Variants in KIF19 observed in about 807,000 individuals in gnomAD.
KIF19 encodes kinesin-like protein KIF19.
KIF19 carries 98 observed loss-of-function variants against 106.6 expected under a neutral mutation model. The observed-to-expected ratio is 0.92, with a 90% confidence interval of 0.78 to 1.09. KIF19 has a LOEUF of 1.09. Among genes scored for constraint, KIF19 ranks in the 50% least tolerant of loss-of-function variants. The pLI is 0.00. For synonymous variants in KIF19, 516 were observed against 584.2 expected (o/e 0.88, Z 1.68); for missense variants, 1,373 against 1,414.3 (o/e 0.97, Z 0.47).
intron 17 of KIF19, 80 bp downstream of exon 17, chr17:74,353,661 C>T: frequency 8.6e-7 from 1 of 1,167,180 alleles, no homozygotes; most frequent in African/African-American, 1.5e-5. Context: ...AAGCCCTTTC[C>T]TGCCCTCTGC....
In KIF19 at chr17:74,354,939, CG is replaced by C; in HGVS notation, c.2866+1del. On this transcript the variant is annotated frameshift_variant and splice_region_variant, in exon 19 of 20. Transcript: ENST00000389916. LOFTEE classifies it low-confidence loss of function (END_TRUNC). Reference protein sequence around the residue: ...AKVKLPPSQNTGPGDSSPLAV... With the variant: ...AKVKLPPSQNXGPGDSSPLAV... ...GTCAAACTCCCTCCAAGCCAGAACACGGGTCAGTATGGGCAAGGAGGGGATG... is the reference window on the plus strand; with the variant it reads ...GTCAAACTCCCTCCAAGCCAGAACACGGTCAGTATGGGCAAGGAGGGGATG... 1 of 1,582,096 alleles carries C rather than the reference CG, an allele frequency of 6.3e-7. No homozygotes were observed.
At position 74,347,797 on chromosome 17, in the gene KIF19, C is replaced by T; in HGVS notation, c.945C>T (p.Ser315=). The T allele has an allele frequency of 6.3e-7, 1 of 1,588,600 alleles. No individual in the cohort carries two copies. Among genetic ancestry groups the T allele is most frequent in the Non-Finnish European group, 8.6e-7 (1 of 1,168,070 alleles). ...RLLKDSLGGN[S]RTVMIAHISP... ...TCCAGGACTCTCTGGGAGGAAACAG[C>T]CGCACAGTGATGATCGCTCACATCA... Residue 315 remains serine (S), a synonymous_variant, in exon 9 of 20, where the codon AGC becomes AGT. Coordinates refer to ENST00000389916, the MANE Select transcript of KIF19 (RefSeq NM_153209.4).
intron 2 of KIF19, among the ~76,000 whole-genome samples, chr17:74,340,555 G>GCGCACACACACA: frequency 0.1 from 14,859 of 148,126 alleles, 791 homozygotes; most frequent in South Asian, 0.14. Flanking sequence ...ATGCGCGCGC[G>GCGCACACACACA]TACACACACA....
chr17:74,335,048 C>T (rs1487030181), intron 2 of KIF19, among the ~76,000 whole-genome samples: 1 of 152,224 alleles, frequency 6.6e-6, no homozygotes, highest in African/African-American at 2.4e-5. Flanking sequence ...TCAAACTGAG[C>T]CTCACTTGTG....
intron 2 of KIF19, among the ~76,000 whole-genome samples, chr17:74,336,281 C>CTGT (rs1385105909): frequency 3.3e-5 from 5 of 152,164 alleles, no homozygotes; most frequent in Non-Finnish European, 7.4e-5. Flanking sequence ...GTTGGCTAGG[C>CTGT]TGTTCTTGAA....
rs1364594797 is a variant in KIF19 at position 74,326,384 on chromosome 17, T to A, written c.35T>A (p.Leu12His). ...KDSGDSKDQQLMVALRVRPIS... is the reference protein window; with the variant it reads ...KDSGDSKDQQHMVALRVRPIS... The stretch of plus-strand genomic sequence containing the variant: ...AGCGGGGACTCCAAGGACCAGCAAC[T>A]CATGGTGAGACCCTTTTAGACCCTC... The change falls in exon 1 of 20, where the codon CTC becomes CAC. Residue 12 changes from leucine (L) to histidine (H), a missense_variant. Physicochemically the swap from Leu to His is moderately conservative, Grantham distance 99. Transcript: ENST00000389916. 1 of 1,612,706 alleles carries A rather than the reference T, an allele frequency of 6.2e-7. No individual in the cohort carries two copies. Among genetic ancestry groups the A allele is most frequent in the Non-Finnish European group, 8.5e-7 (1 of 1,179,476 alleles).
chr17:74,326,271 G>A lies in KIF19; in HGVS notation c.-79G>A. On this transcript the variant is annotated 5_prime_UTR_variant, in exon 1 of 20. Transcript: ENST00000389916. ...AGGCGGCGGGCAGCTAGCAGCTGGC[G>A]GACGCGACCCGGAGGCGGTGGGGGT... 1.4e-6 allele frequency: 2 copies of A among 1,382,108 alleles called. No homozygotes were observed. Among genetic ancestry groups the A allele is most frequent in the South Asian group, 1.3e-5 (1 of 76,840 alleles). The allele number at this position is 1,382,108 out of a possible 1,614,324, so 85.6% of individuals were successfully genotyped here.
chr17:74,353,280 C>T lies in KIF19; in HGVS notation c.2199C>T (p.Leu733=), dbSNP rs768096594. 17 of 1,575,400 alleles carry T rather than the reference C, an allele frequency of 1.1e-5. No homozygotes were observed. Among genetic ancestry groups the T allele is most frequent in the East Asian group, 2.4e-5 (1 of 42,522 alleles). The part of the protein sequence containing the change: ...SSVPTPPPIQ[L]GSLVTQEAPA... ...TGCCCACCCCACCTCCCATCCAGCTCGGCAGCCTGGTGACGCAGGAGGTGA... is the reference window on the plus strand; with the variant it reads ...TGCCCACCCCACCTCCCATCCAGCTTGGCAGCCTGGTGACGCAGGAGGTGA... The change falls in exon 16 of 20, where the codon CTC becomes CTT. Residue 733 remains leucine (L), a synonymous_variant. Transcript: ENST00000389916.
At position 74,344,419 on chromosome 17, in the gene KIF19, A is replaced by C. The variant is rs1355962541; in HGVS notation, c.582+71A>C. On this transcript the variant is annotated intron_variant, in intron 6 of 19. Coordinates refer to ENST00000389916, the MANE Select transcript of KIF19 (RefSeq NM_153209.4). ...CGCCTGAGGGGCAGGAGGGGCGGGG[A>C]CAGAAGCCAGGGAGCTGCTCCCCAC... is the stretch of plus-strand genomic sequence containing the variant. 9 of 1,559,776 alleles carry C rather than the reference A, an allele frequency of 5.8e-6. No homozygotes were observed. The East Asian group carries it at 2.1e-4, about 37-fold the overall frequency.
rs9890006 is a variant in KIF19 at position 74,338,562 on chromosome 17, G to A, written c.121-3314G>A. Among the ~76,000 whole-genome samples, 919 of 152,074 alleles carry A rather than the reference G, an allele frequency of 6.0e-3. 11 individuals are homozygous for A. The highest frequency in any genetic ancestry group is 0.022 in the African/African-American group (894 of 41,534). On this transcript the variant is annotated intron_variant, in intron 2 of 19. Transcript: ENST00000389916. ...TGCCAGGGTCAGGCCTCCTCTTCCC[G>A]CTTCCCTCCTCCACTGAGAATCCCA... is the stretch of plus-strand genomic sequence containing the variant.
At position 74,342,516 on chromosome 17, in the gene KIF19, G is replaced by A. The variant is rs372060809; in HGVS notation, c.232-114G>A. ...CCACCCCCCACCCCCACTTATCTTG[G>A]GGCTGGGGCTCCAGGGACAGAAACC... is the stretch of plus-strand genomic sequence containing the variant. On this transcript the variant is annotated intron_variant, in intron 3 of 19. Transcript: ENST00000389916. The A allele has an allele frequency of 2.5e-4, 191 of 755,450 alleles. No individual in the cohort carries two copies. In the East Asian group the frequency reaches 4.6e-3, roughly 18 times the overall value. The allele number at this position is 755,450 out of a possible 1,614,324, so 46.8% of individuals were successfully genotyped here. A position where few individuals can be genotyped will look rare whatever the true frequency, so the allele number is the denominator to read the frequency against.
In KIF19 at chr17:74,352,137, G is replaced by A. The variant is rs529788944; in HGVS notation, c.1858G>A (p.Asp620Asn). ...CCAGGGCCAGCGGCAGATCATCGAC[G>A]GTAGGGCCCACGCCCCCGCGCATCT... ...IIQGQRQIID[D>N]YNLAVPQRLE... Residue 620 changes from aspartate (D) to asparagine (N), a missense_variant and splice_region_variant, in exon 13 of 20, where the codon GAC becomes AAC. Asp to Asn is a conservative substitution (Grantham distance 23). Transcript: ENST00000389916. 4.4e-6 allele frequency: 7 copies of A among 1,582,344 alleles called. No individual in the cohort carries two copies. In the South Asian group the frequency reaches 6.8e-5, roughly 15 times the overall value.
rs2144286262 is a variant in KIF19, at chr17:74,350,546, C to T, written c.1359C>T (p.Asp453=). 1 of 1,612,958 alleles carries T rather than the reference C, an allele frequency of 6.2e-7. No individual in the cohort carries two copies. Among genetic ancestry groups the T allele is most frequent in the African/African-American group, 1.3e-5 (1 of 75,054 alleles). ...ACCGCGCCATGGAGGTCCAGATTGA[C>T]ACCTCCCGACACCTGCTCACCATCG... ...LENRAMEVQI[D]TSRHLLTIAG... The change falls in exon 11 of 20, where the codon GAC becomes GAT. Residue 453 remains aspartate, a synonymous_variant. Transcript: ENST00000389916.
At chr17:74,349,077 C>T in intron 9 of KIF19, 107 bp from the exon 10 acceptor site, 2 of 1,146,108 alleles carry the variant, frequency 1.7e-6, no homozygotes, top group East Asian at 2.5e-5. Context: ...ATTACTGTCA[C>T]CCAGAAAGAC....
At chr17:74,329,478 A>AC (rs952589532) in intron 2 of KIF19, 11 of 150,454 alleles carry the variant, frequency 7.3e-5, no homozygotes, top group Non-Finnish European at 1.5e-4. Context: ...AAAAAAAAAA[A>AC]AAAACTGTGC....
chr17:74,334,329 A>G lies in KIF19; in HGVS notation c.120+5824A>G, dbSNP rs188921310. Among the ~76,000 whole-genome samples the G allele has an allele frequency of 6.6e-5, 10 of 152,220 alleles. No homozygotes were observed. The East Asian group carries it at 1.7e-3, about 26-fold the overall frequency. On this transcript the variant is annotated intron_variant, in intron 2 of 19. Transcript: ENST00000389916. ...TGTTAACCTGCAGATTTATGGGCCCATTTCCCCACAGATTCTGACTGTGCG... is the reference window on the plus strand; with the variant it reads ...TGTTAACCTGCAGATTTATGGGCCCGTTTCCCCACAGATTCTGACTGTGCG...
intron 2 of KIF19, among the ~76,000 whole-genome samples, chr17:74,338,684 G>A (rs190036039): frequency 1.3e-5 from 2 of 152,054 alleles, no homozygotes; most frequent in East Asian, 3.9e-4. Flanking sequence ...GTGAAGGAAG[G>A]GGGTTTGACC....
rs552852651 is a variant in KIF19 at position 74,355,019 on chromosome 17, T to A, written c.2866+78T>A. ...AGCAGAGAAGACACATTGCATTTCC[T>A]GCGCCTCTGGCTGCCCCTTGCTGGA... On this transcript the variant is annotated intron_variant, in intron 19 of 19. Coordinates refer to ENST00000389916, the MANE Select transcript of KIF19 (RefSeq NM_153209.4). The A allele has an allele frequency of 2.3e-5, 35 of 1,550,076 alleles. 1 individual carries two copies. In the Admixed American group the frequency reaches 5.9e-4, roughly 26 times the overall value.
intron 2 of KIF19, among the ~76,000 whole-genome samples, chr17:74,333,361 ATT>A (rs35232394): frequency 1.5e-4 from 19 of 129,420 alleles, no homozygotes; most frequent in Admixed American, 2.3e-4. Context: ...TGTGGTCCTA[ATT>A]TTTTTTTTTT....
Sources: gnomAD v4.1 joint callset for allele counts (sites outside exome capture counted in the v4.1 genomes callset) on GRCh38, gnomAD v4.1.1 for gene constraint, MANE v1.5 for transcripts, NCBI Gene and HGNC (gene_info 2026-07-23, HGNC 2026-07-21) for gene names.